Variants in SERGEF observed in about 807,000 individuals in gnomAD.
The protein encoded by SERGEF is secretion-regulating guanine nucleotide exchange factor.
Under a neutral mutation model 50.0 loss-of-function variants are expected in SERGEF, and 51 were observed. The observed-to-expected ratio is 1.02, with a 90% CI of 0.81 to 1.29. The LOEUF is 1.29. Ranked by LOEUF, SERGEF falls within the 50% of genes most tolerant of loss-of-function variation. The pLI is 0.00. For missense variants in SERGEF, 521 were observed against 557.0 expected (o/e 0.94, Z 0.65); for synonymous variants, 205 against 212.4 (o/e 0.97, Z 0.30).
chr11:17,788,692 C>T (rs1023361916), intron 10 of SERGEF, among the ~76,000 whole-genome samples: 1 of 152,194 alleles, frequency 6.6e-6, no homozygotes, highest in Non-Finnish European at 1.5e-5. Context: ...ACTGTCACCA[C>T]CACATATAAT....
At chr11:18,011,528 ATTTCTGTTGTT>A (rs944352397) in intron 1 of SERGEF, among the ~76,000 whole-genome samples, 1 of 152,106 alleles carries the variant, frequency 6.6e-6, no homozygotes, top group Non-Finnish European at 1.5e-5. Context: ...GAGAAAATAA[ATTTCTGTTGTT>A]TAAGCCTCTG....
chr11:17,870,909 A>T (rs947234149), intron 10 of SERGEF, among the ~76,000 whole-genome samples: 6 of 152,212 alleles, frequency 3.9e-5, no homozygotes, highest in Non-Finnish European at 8.8e-5. Context: ...AAAAGAATCT[A>T]AAAGCACATC....
intron 10 of SERGEF, among the ~76,000 whole-genome samples, chr11:17,868,820 ACT>A (rs368113986): frequency 6.6e-5 from 10 of 151,808 alleles, no homozygotes; most frequent in African/African-American, 2.4e-4. Flanking sequence ...GTGCAGGGAA[ACT>A]CCCCTTTTTA....
intron 9 of SERGEF, among the ~76,000 whole-genome samples, chr11:17,948,112 T>G (rs748715542): frequency 6.6e-6 from 1 of 152,106 alleles, no homozygotes; most frequent in Non-Finnish European, 1.5e-5. Flanking sequence ...GTGTTTTTTG[T>G]AGAGACAGGG....
At chr11:17,793,361 C>T (rs1215484716) in intron 10 of SERGEF, among the ~76,000 whole-genome samples, 1 of 152,180 alleles carries the variant, frequency 6.6e-6, no homozygotes, top group Admixed American at 6.5e-5. Context: ...GATTGGTTAT[C>T]CCCTTAACAG....
At chr11:17,916,611 A>T (rs1221004512) in intron 9 of SERGEF, among the ~76,000 whole-genome samples, 1 of 152,228 alleles carries the variant, frequency 6.6e-6, no homozygotes, top group African/African-American at 2.4e-5. Context: ...ATTTCACAGG[A>T]TTATTATCAG....
At chr11:17,874,759 T>C (rs1456743913) in intron 10 of SERGEF, among the ~76,000 whole-genome samples, 1 of 152,084 alleles carries the variant, frequency 6.6e-6, no homozygotes, top group Non-Finnish European at 1.5e-5. Context: ...GATGTGCAGA[T>C]TCCCCAGTGG....
At chr11:17,963,191 A>AG (rs1853046511) in intron 8 of SERGEF, among the ~76,000 whole-genome samples, 1 of 147,382 alleles carries the variant, frequency 6.8e-6, no homozygotes, top group Non-Finnish European at 1.5e-5. Flanking sequence ...CAAAAAAAAA[A>AG]AAAAAAAAAA....
chr11:17,792,125 G>T (rs1367712325), intron 10 of SERGEF, among the ~76,000 whole-genome samples: 20 of 152,212 alleles, frequency 1.3e-4, no homozygotes. Flanking sequence ...AGCTGGCTGG[G>T]CCCCGGGATT....
chr11:18,012,731 C>G, intron 1 of SERGEF: 1 of 1,347,932 alleles, frequency 7.4e-7, no homozygotes, highest in Non-Finnish European at 9.9e-7. Flanking sequence ...GCCCTGACCC[C>G]GCCAGCCGGC....
chr11:17,940,342 T>A (rs1852538046), intron 9 of SERGEF, among the ~76,000 whole-genome samples: 1 of 152,138 alleles, frequency 6.6e-6, no homozygotes, highest in South Asian at 2.1e-4. Flanking sequence ...TTATCTGGGT[T>A]GAAGGCCCTG....
intron 9 of SERGEF, among the ~76,000 whole-genome samples, chr11:17,912,725 T>C (rs1000698008): frequency 3.9e-5 from 6 of 152,320 alleles, no homozygotes; most frequent in East Asian, 1.9e-4. Flanking sequence ...AGCTAGATTA[T>C]GAGGGAGCCA....
At chr11:17,801,264 A>C (rs1375268180) in intron 10 of SERGEF, among the ~76,000 whole-genome samples, 2 of 151,960 alleles carry the variant, frequency 1.3e-5, no homozygotes, top group Non-Finnish European at 2.9e-5. Context: ...GTGAGGAGTT[A>C]GAAGTTTGAG....
chr11:17,788,085 T>A lies in SERGEF; in HGVS notation c.1377A>T (p.Ter459CysextTer1). Residue 459 changes from the stop codon to cysteine, a stop_lost, in exon 11 of 11, where the codon TGA (stop) becomes TGT (cysteine). Coordinates refer to ENST00000265965, the MANE Select transcript of SERGEF (RefSeq NM_012139.4). ...QSDWSRNGGL[*>C] is the part of the protein sequence containing the mutation. The stretch of plus-strand genomic sequence containing the variant: ...AAGCCACTTTATTAAAGATTCTCTA[T>A]CACAGTCCCCCATTTCTGGACCAGT... 1 of 1,516,622 alleles carries A rather than the reference T, an allele frequency of 6.6e-7. No homozygotes were observed. Among genetic ancestry groups the A allele is most frequent in the Non-Finnish European group, 8.8e-7 (1 of 1,130,498 alleles). The allele number at this position is 1,516,622 out of a possible 1,614,324, so 93.9% of individuals were successfully genotyped here. A position where few individuals can be genotyped will look rare whatever the true frequency, so the allele number is the denominator to read the frequency against.
intron 9 of SERGEF, among the ~76,000 whole-genome samples, chr11:17,914,346 C>A (rs949373669): frequency 6.6e-6 from 1 of 152,218 alleles, no homozygotes; most frequent in South Asian, 2.1e-4. Context: ...TAAGCATTAT[C>A]CTCAGAGATG....
intron 9 of SERGEF, among the ~76,000 whole-genome samples, chr11:17,932,306 T>C (rs959805309): frequency 6.6e-6 from 1 of 152,164 alleles, no homozygotes; most frequent in African/African-American, 2.4e-5. Context: ...TTTCTTCAAC[T>C]GAGAGCCCAT....
intron 9 of SERGEF, among the ~76,000 whole-genome samples, chr11:17,885,155 C>T (rs1208472162): frequency 1.3e-5 from 2 of 152,230 alleles, no homozygotes; most frequent in Admixed American, 6.5e-5. Context: ...TCTCTCCCAC[C>T]CTTATATTTA....
chr11:18,009,827 A>T (rs1237355228), intron 1 of SERGEF, among the ~76,000 whole-genome samples: 1 of 152,244 alleles, frequency 6.6e-6, no homozygotes, highest in Non-Finnish European at 1.5e-5. Flanking sequence ...AAAGTAATAC[A>T]GTACATATGT....
At chr11:17,827,014 G>A (rs756494648) in intron 10 of SERGEF, among the ~76,000 whole-genome samples, 2 of 152,144 alleles carry the variant, frequency 1.3e-5, no homozygotes, top group Non-Finnish European at 2.9e-5. Flanking sequence ...ATACCACGCC[G>A]CCTCTCGTTC....
Sources: gnomAD v4.1 joint callset for allele counts (sites outside exome capture counted in the v4.1 genomes callset) on GRCh38, gnomAD v4.1.1 for gene constraint, MANE v1.5 for transcripts, NCBI Gene and HGNC (gene_info 2026-07-23, HGNC 2026-07-21) for gene names.